The following TUBGCP4 variants were observed in gnomAD, a reference collection of about 807,000 sequenced individuals.
TUBGCP4 encodes tubulin gamma complex component 4.
A neutral mutation model predicts 91.6 loss-of-function variants in TUBGCP4; 54 were observed. That is an observed-to-expected ratio of 0.59 (90% CI 0.47 to 0.74). The LOEUF (loss-of-function observed/expected upper bound fraction) is 0.74. Ranked by LOEUF, TUBGCP4 falls within the 30% of genes least tolerant of loss-of-function variation. The pLI is 0.00. For missense variants in TUBGCP4, 593 were observed against 800.9 expected (o/e 0.74, Z 3.13); for synonymous variants, 297 against 302.8 (o/e 0.98, Z 0.20).
chr15:43,400,291 A>T, intron 14 of TUBGCP4, 70 bp downstream of exon 14: 3 of 1,320,078 alleles, frequency 2.3e-6, no homozygotes, highest in Non-Finnish European at 3.2e-6. Flanking sequence ...GGGAGTATTG[A>T]ATAGGGACTA....
At chr15:43,394,940 C>T (rs989623265) in intron 9 of TUBGCP4, 167 bp from the exon 10 acceptor site, 9 of 702,464 alleles carry the variant, frequency 1.3e-5, no homozygotes, top group African/African-American at 1.2e-4. Flanking sequence ...GTATTCTTTA[C>T]AGCAGTGTGA....
At chr15:43,377,695 TC>T in intron 4 of TUBGCP4, 151 bp from the exon 5 acceptor site, 1 of 590,808 alleles carries the variant, frequency 1.7e-6, no homozygotes, top group Non-Finnish European at 2.9e-6. Context: ...AACCTCCACA[TC>T]AAATTGCCTT....
chr15:43,381,833 C>T (rs980902407), intron 6 of TUBGCP4, among the ~76,000 whole-genome samples: 21 of 152,122 alleles, frequency 1.4e-4, no homozygotes, highest in Middle Eastern at 3.2e-3. Context: ...TCCTTCTATA[C>T]GTATATGTGA....
chr15:43,392,115 CACACAT>C lies in TUBGCP4; in HGVS notation c.1015-2990_1015-2985del, dbSNP rs1395336157. 1.3e-4 allele frequency among the ~76,000 whole-genome samples: 19 copies of C among 148,174 alleles called. No individual in the cohort carries two copies. The East Asian group carries it at 3.2e-3, about 25-fold the overall frequency. Reference sequence around the variant, plus strand: ...ACACACACACACACACACACACACACACACATATTTTTTTTTGTTTGAATTCTGTGT... The same window carrying C: ...ACACACACACACACACACACACACACATTTTTTTTTGTTTGAATTCTGTGT... On this transcript the variant is annotated intron_variant, in intron 9 of 17. Coordinates refer to ENST00000564079, the MANE Select transcript of TUBGCP4 (RefSeq NM_014444.5).
chr15:43,407,843 G>A lies in TUBGCP4; in HGVS notation c.*2629G>A, dbSNP rs906009059. 25 of 1,227,790 alleles carry A rather than the reference G, an allele frequency of 2.0e-5. No homozygotes were observed. Among genetic ancestry groups the A allele is most frequent in the South Asian group, 4.5e-5 (3 of 67,086 alleles). 76.1% of individuals were successfully genotyped at this position (1,227,790 alleles called of 1,614,324 possible). On this transcript the variant is annotated 3_prime_UTR_variant, in exon 18 of 18. Transcript: ENST00000564079. ...TTTCTTCTCTAAGAAACATGGATAC[G>A]GTCAACCTATTAGGCCTGAGCCTTG...
chr15:43,379,037 A>G (rs764658568), intron 5 of TUBGCP4, among the ~76,000 whole-genome samples: 1 of 152,214 alleles, frequency 6.6e-6, no homozygotes, highest in Non-Finnish European at 1.5e-5. Flanking sequence ...TCCGCTGGCT[A>G]TAGGAAGGAG....
Position 43,375,074 on chromosome 15 carries a change from C to T in TUBGCP4, c.79-1024C>T, listed in dbSNP as rs183260977. Among the ~76,000 whole-genome samples, 306 of 152,226 alleles carry T rather than the reference C, an allele frequency of 2.0e-3. 2 individuals are homozygous for T. The highest frequency in any genetic ancestry group is 6.8e-3 in the African/African-American group (283 of 41,542). On this transcript the variant is annotated intron_variant, in intron 1 of 17. Transcript: ENST00000564079. ...CCCACCACCACGCCTGGCTAATTTTCGTATTTTTAGTAGAGACAGGGTTTC... is the reference window on the plus strand; with the variant it reads ...CCCACCACCACGCCTGGCTAATTTTTGTATTTTTAGTAGAGACAGGGTTTC...
chr15:43,405,517 G>A lies in TUBGCP4; in HGVS notation c.*303G>A. ...TATTGAGCACCTACTACGTACCTTG[G>A]TACTGTTCAAGCTGTGGGAGATACA... is the stretch of plus-strand genomic sequence containing the variant. On this transcript the variant is annotated 3_prime_UTR_variant, in exon 18 of 18. Coordinates refer to ENST00000564079, the MANE Select transcript of TUBGCP4 (RefSeq NM_014444.5). 1 of 418,982 alleles carries A rather than the reference G, an allele frequency of 2.4e-6. No individual in the cohort carries two copies. The highest frequency in any genetic ancestry group is 5.8e-4 in the Middle Eastern group (1 of 1,718). The allele number at this position is 418,982 out of a possible 1,614,324, so 26.0% of individuals were successfully genotyped here.
chr15:43,371,222 G>GTCGCC lies in TUBGCP4; in HGVS notation c.-133_-132insTCGCC. The GTCGCC allele has an allele frequency of 1.1e-6, 1 of 870,390 alleles. No homozygotes were observed. The highest frequency in any genetic ancestry group is 1.8e-6 in the Non-Finnish European group (1 of 552,136). The allele number at this position is 870,390 out of a possible 1,614,324, so 53.9% of individuals were successfully genotyped here. A position where few individuals can be genotyped will look rare whatever the true frequency, so the allele number is the denominator to read the frequency against. ...CTCCGCCGCAGCGATTGTCTCGGTGGGTTGATTCGGCACAAACCGCCCGAC... is the reference window on the plus strand; with the variant it reads ...CTCCGCCGCAGCGATTGTCTCGGTGGTCGCCGTTGATTCGGCACAAACCGCCCGAC... On this transcript the variant is annotated 5_prime_UTR_variant, in exon 1 of 18. Coordinates refer to ENST00000564079, the MANE Select transcript of TUBGCP4 (RefSeq NM_014444.5).
intron 4 of TUBGCP4, 63 bp from the exon 5 acceptor site, chr15:43,377,784 C>T (rs573667796): frequency 7.7e-7 from 1 of 1,305,646 alleles, no homozygotes; most frequent in Non-Finnish European, 1.1e-6. Context: ...AAGCATTTCC[C>T]AAGTTGATTT....
Position 43,398,133 on chromosome 15 carries a change from G to GTATA in TUBGCP4, c.1374_1375insTATA (p.Gln459TyrfsTer22), listed in dbSNP as rs2044612468. 1 of 1,613,960 alleles carries GTATA rather than the reference G, an allele frequency of 6.2e-7. No homozygotes were observed. Among genetic ancestry groups the GTATA allele is most frequent in the African/African-American group, 1.3e-5 (1 of 74,896 alleles). ...GGCAGCCCTAGGTCTTTCCTACAAA[G>GTATA]TACAGTGGCCACTACATATTCTCTT... On this transcript the variant is annotated frameshift_variant, in exon 13 of 18. Coordinates refer to ENST00000564079, the MANE Select transcript of TUBGCP4 (RefSeq NM_014444.5). LOFTEE classifies it high-confidence loss of function.
In TUBGCP4 at chr15:43,376,236, G is replaced by A. The variant is rs1398577526; in HGVS notation, c.207+10G>A. The A allele has an allele frequency of 6.2e-7, 1 of 1,613,072 alleles. No individual in the cohort carries two copies. The highest frequency in any genetic ancestry group is 1.1e-5 in the South Asian group (1 of 90,822). ...CCATGTGCAACAGCAGGTGGGTCCTGTTCTCTGTGGGTGTACACCTCTAGA... is the reference window on the plus strand; with the variant it reads ...CCATGTGCAACAGCAGGTGGGTCCTATTCTCTGTGGGTGTACACCTCTAGA... On this transcript the variant is annotated intron_variant, in intron 2 of 17. Coordinates refer to ENST00000564079, the MANE Select transcript of TUBGCP4 (RefSeq NM_014444.5).
intron 2 of TUBGCP4, 105 bp downstream of exon 2, chr15:43,376,331 G>A: frequency 1.9e-6 from 3 of 1,594,592 alleles, no homozygotes; most frequent in African/African-American, 1.3e-5. Context: ...TGAATTTATC[G>A]GTAATTCATG....
At position 43,401,746 on chromosome 15, in the gene TUBGCP4, C is replaced by G. The variant is rs764260532; in HGVS notation, c.1627C>G (p.Leu543Val). The stretch of plus-strand genomic sequence containing the variant: ...TGTGTTGGAGTCTCAGTTCTCCCAG[C>G]TGCTTCATCAGATCAATTCTACCCG... Reference protein sequence around the residue: ...VDVLESQFSQLLHQINSTRDF... With the variant: ...VDVLESQFSQVLHQINSTRDF... Residue 543 changes from leucine (L) to valine (V), a missense_variant, in exon 15 of 18, where the codon CTG (leucine) becomes GTG (valine). Coordinates refer to ENST00000564079, the MANE Select transcript of TUBGCP4 (RefSeq NM_014444.5). The G allele has an allele frequency of 6.2e-7, 1 of 1,614,176 alleles. No individual in the cohort carries two copies. The highest frequency in any genetic ancestry group is 8.5e-7 in the Non-Finnish European group (1 of 1,180,014).
chr15:43,405,071 A>C (rs994729384), intron 17 of TUBGCP4, 131 bp from the exon 18 acceptor site: 1 of 1,005,328 alleles, frequency 9.9e-7, no homozygotes, highest in African/African-American at 1.6e-5. Flanking sequence ...CTATTGTAGC[A>C]GAAGAGTCAA....
In TUBGCP4 at chr15:43,408,796, T is replaced by G; in HGVS notation, c.*3582T>G. 2.5e-6 allele frequency: 3 copies of G among 1,197,840 alleles called. No individual in the cohort carries two copies. In the East Asian group the frequency reaches 7.3e-5, roughly 29 times the overall value. 74.2% of individuals were successfully genotyped at this position (1,197,840 alleles called of 1,614,324 possible). On this transcript the variant is annotated 3_prime_UTR_variant, in exon 18 of 18. Transcript: ENST00000564079. ...CCACTCAAATTTATCCCACAGACATTCCAATTTCTAGAAAGCTTTACTCTC... is the reference window on the plus strand; with the variant it reads ...CCACTCAAATTTATCCCACAGACATGCCAATTTCTAGAAAGCTTTACTCTC...
At chr15:43,372,269 C>T (rs1041742594) in intron 1 of TUBGCP4, among the ~76,000 whole-genome samples, 14 of 151,984 alleles carry the variant, frequency 9.2e-5, no homozygotes, top group Non-Finnish European at 1.5e-4. Context: ...AATCTAGGTC[C>T]GTCTGATCAC....
chr15:43,371,123 G>C lies in TUBGCP4; in HGVS notation c.-232G>C, dbSNP rs1001689482. ...CTCAGTCTCCGCAGAGCCCGGGCGG[G>C]AGTAGCTGGTGGACCCCGTTGAGCT... On this transcript the variant is annotated 5_prime_UTR_variant, in exon 1 of 18. Coordinates refer to ENST00000564079, the MANE Select transcript of TUBGCP4 (RefSeq NM_014444.5). The C allele has an allele frequency of 3.4e-6, 2 of 594,282 alleles. No homozygotes were observed. The highest frequency in any genetic ancestry group is 4.5e-4 in the Middle Eastern group (1 of 2,220). 36.8% of individuals were successfully genotyped at this position (594,282 alleles called of 1,614,324 possible).
Position 43,376,121 on chromosome 15 carries a change from C to T in TUBGCP4, c.102C>T (p.Leu34=), listed in dbSNP as rs2142765351. The T allele has an allele frequency of 6.2e-7, 1 of 1,614,148 alleles. No individual in the cohort carries two copies. The highest frequency in any genetic ancestry group is 1.7e-5 in the Admixed American group (1 of 60,020). ...GLQVSQDFPF[L]HPSETSVLNR... is the part of the protein sequence containing the mutation. ...AGGTATCGCAGGACTTCCCTTTCCT[C>T]CACCCCAGTGAGACCAGTGTCCTGA... The change falls in exon 2 of 18, where the codon CTC becomes CTT. Residue 34 remains leucine, a synonymous_variant. Transcript: ENST00000564079.
Sources: gnomAD v4.1 joint callset for allele counts (sites outside exome capture counted in the v4.1 genomes callset) on GRCh38, gnomAD v4.1.1 for gene constraint, MANE v1.5 for transcripts, NCBI Gene and HGNC (gene_info 2026-07-23, HGNC 2026-07-21) for gene names.